NDUFAF6: variants seen among roughly 807,000 people sequenced by gnomAD.
The protein encoded by NDUFAF6 is NADH:ubiquinone oxidoreductase complex assembly factor 6.
NDUFAF6 carries 45 observed loss-of-function variants against 40.8 expected under a neutral mutation model. The ratio of observed to expected loss-of-function variants is 1.10; its 90% confidence interval spans 0.87 to 1.42. The LOEUF is 1.42. Among genes scored for constraint, NDUFAF6 ranks in the 40% most tolerant of loss-of-function variants. The probability of loss-of-function intolerance (pLI) is 0.00; values close to 1 mark genes in which losing one functional copy is unlikely to be tolerated. For synonymous variants in NDUFAF6, 185 were observed against 155.9 expected, an observed-to-expected ratio of 1.19 and a Z score of -1.39; for missense variants, 435 against 418.5, an observed-to-expected ratio of 1.04 and a Z score of -0.34.
At chr8:95,048,670 C>A in intron 7 of NDUFAF6, 112 bp downstream of exon 7, 1 of 811,318 alleles carries the variant, frequency 1.2e-6, no homozygotes, top group Non-Finnish European at 2.1e-6. Flanking sequence ...TTCCATTTTT[C>A]ATTGATTTCC....
intron 4 of NDUFAF6, among the ~76,000 whole-genome samples, chr8:95,114,980 G>A (rs1810097667): frequency 6.6e-6 from 1 of 151,900 alleles, no homozygotes; most frequent in Admixed American, 6.6e-5. Context: ...GTGAATCGCT[G>A]GAACCTGGGA....
intron 2 of NDUFAF6, chr8:94,988,797 A>T (rs1031862466): frequency 2.0e-5 from 3 of 152,254 alleles, no homozygotes; most frequent in African/African-American, 7.2e-5. Flanking sequence ...CCATCTACTG[A>T]TGAATGGATA....
At chr8:95,089,362 C>T (rs1283952295) in intron 2 of NDUFAF6, among the ~76,000 whole-genome samples, 2 of 152,078 alleles carry the variant, frequency 1.3e-5, no homozygotes, top group Non-Finnish European at 1.5e-5. Context: ...TGTGAGCCAC[C>T]GTACCCAGCC....
chr8:95,111,934 G>T lies in NDUFAF6; in HGVS notation n.345-3602G>T, dbSNP rs1253026345. Among the ~76,000 whole-genome samples, 5 of 152,146 alleles carry T rather than the reference G, an allele frequency of 3.3e-5. No homozygotes were observed. In the East Asian group the frequency reaches 9.6e-4, roughly 29 times the overall value. On this transcript the variant is annotated intron_variant and non_coding_transcript_variant, in intron 4 of 5. Transcript: ENST00000523184. The stretch of plus-strand genomic sequence containing the variant: ...AGCTATGGATAAGCCTTTTGTCCCT[G>T]CTTCCAGTATGGTTCTTCTGCTTTT...
intron 1 of NDUFAF6, among the ~76,000 whole-genome samples, chr8:94,960,450 G>A (rs1249382631): frequency 6.6e-6 from 1 of 152,122 alleles, no homozygotes; most frequent in African/African-American, 2.4e-5. Context: ...AGTTCATCCG[G>A]TGGAAACTGC....
At chr8:95,009,265 G>T (rs1433412246) in intron 2 of NDUFAF6, among the ~76,000 whole-genome samples, 2 of 151,718 alleles carry the variant, frequency 1.3e-5, no homozygotes, top group Non-Finnish European at 2.9e-5. Context: ...CTCCACACTT[G>T]TGAACACAGA....
At chr8:94,982,297 C>T (rs1825513072) in intron 2 of NDUFAF6, among the ~76,000 whole-genome samples, 1 of 152,086 alleles carries the variant, frequency 6.6e-6, no homozygotes, top group Admixed American at 6.5e-5. Flanking sequence ...ACTATTGTGT[C>T]ACAATTGCCT....
chr8:95,000,044 T>A lies in NDUFAF6; in HGVS notation c.-84+19071T>A, dbSNP rs1355376037. On this transcript the variant is annotated intron_variant, in intron 2 of 9. Coordinates refer to the NDUFAF6 transcript ENST00000396111. ...GGACAACATAGTGAGACAGGCTGTA[T>A]TTTTTTTTTTTTTAAAGAAGCTTAG... is the stretch of plus-strand genomic sequence containing the variant. Among the ~76,000 whole-genome samples the A allele has an allele frequency of 6.5e-4, 20 of 30,848 alleles. No homozygotes were observed. In the Admixed American group the frequency reaches 9.2e-3, roughly 14 times the overall value. The allele number at this position is 30,848 out of a possible 152,430, so 20.2% of individuals were successfully genotyped here.
At chr8:95,027,604 G>A (rs950839176) in intron 1 of NDUFAF6, among the ~76,000 whole-genome samples, 1 of 150,398 alleles carries the variant, frequency 6.6e-6, no homozygotes, top group African/African-American at 2.4e-5. Context: ...AAAAAGATTC[G>A]GTTTTTTCCT....
chr8:94,926,200 T>G (rs934555804), intron 1 of NDUFAF6: 3 of 152,398 alleles, frequency 2.0e-5, no homozygotes, highest in Non-Finnish European at 2.9e-5. Context: ...AGACCGTGGC[T>G]CAAGAAAACA....
At chr8:94,958,388 AC>A (rs1187978036) in intron 1 of NDUFAF6, among the ~76,000 whole-genome samples, 1 of 151,930 alleles carries the variant, frequency 6.6e-6, no homozygotes, top group Admixed American at 6.6e-5. Flanking sequence ...CTGTGTGCCC[AC>A]ATGCTCTGCC....
rs144772082 is a variant in NDUFAF6 at position 94,922,094 on chromosome 8, C to T, written c.-935-23389C>T. Among the ~76,000 whole-genome samples the T allele has an allele frequency of 1.5e-3, 232 of 152,078 alleles. 1 individual carries two copies. The highest frequency in any genetic ancestry group is 9.7e-4 in the Non-Finnish European group (66 of 67,970). On this transcript the variant is annotated intron_variant, in intron 1 of 14. Coordinates refer to the NDUFAF6 transcript ENST00000396113. The stretch of plus-strand genomic sequence containing the variant: ...CTCGGCTCACTGCAACCTCCATCTC[C>T]GCCTCCCGGGTTCAAGGATTCTCCT...
At chr8:95,091,449 A>C (rs373716570) in intron 2 of NDUFAF6, among the ~76,000 whole-genome samples, 1 of 152,092 alleles carries the variant, frequency 6.6e-6, no homozygotes, top group Admixed American at 6.6e-5. Flanking sequence ...CCCTAGAGAC[A>C]TGGGGATTAT....
At chr8:94,911,331 A>G (rs182682159) in intron 1 of NDUFAF6, among the ~76,000 whole-genome samples, 93 of 152,382 alleles carry the variant, frequency 6.1e-4, no homozygotes, top group African/African-American at 2.1e-3. Flanking sequence ...GTCTTCATCT[A>G]TAAAAAGGGA....
chr8:94,901,644 C>G (rs559441604), intron 1 of NDUFAF6, among the ~76,000 whole-genome samples: 1 of 152,114 alleles, frequency 6.6e-6, no homozygotes, highest in East Asian at 1.9e-4. Flanking sequence ...TGCAGTGGCG[C>G]GATCTCAGCT....
chr8:94,906,644 G>A (rs1158968055), intron 1 of NDUFAF6, among the ~76,000 whole-genome samples: 1 of 152,196 alleles, frequency 6.6e-6, no homozygotes, highest in Non-Finnish European at 1.5e-5. Context: ...CCCATCTGCA[G>A]CACTAAAGGA....
upstream of NDUFAF6, among the ~76,000 whole-genome samples, chr8:94,955,537 A>G (rs1823001662): frequency 1.3e-5 from 2 of 152,240 alleles, no homozygotes; most frequent in Admixed American, 1.3e-4. Context: ...AACACGTTCA[A>G]ACTATAGTGC....
intron 2 of NDUFAF6, among the ~76,000 whole-genome samples, chr8:94,945,881 A>G (rs1345441571): frequency 6.6e-6 from 1 of 152,286 alleles, no homozygotes; most frequent in African/African-American, 2.4e-5. Flanking sequence ...ACCCCTCAAT[A>G]CAGAAAAGAA....
At chr8:94,963,159 AT>A (rs1823739931) in intron 1 of NDUFAF6, among the ~76,000 whole-genome samples, 2 of 152,182 alleles carry the variant, frequency 1.3e-5, no homozygotes, top group African/African-American at 4.8e-5. Flanking sequence ...CAGGCTCTCT[AT>A]TACCTGCAGC....
Sources: allele counts gnomAD v4.1 joint callset (sites outside exome capture counted in the v4.1 genomes callset), GRCh38; gene constraint gnomAD v4.1.1; transcripts MANE v1.5; gene names NCBI Gene and HGNC (gene_info 2026-07-23, HGNC 2026-07-21).